The following SOX6 variants were observed in gnomAD, a reference collection of about 807,000 sequenced individuals.
SOX6 encodes transcription factor SOX-6.
In SOX6, 11 loss-of-function variants were observed where a neutral mutation model predicts 97.8. The observed-to-expected ratio is 0.11, with a 90% CI of 0.07 to 0.19. The LOEUF (loss-of-function observed/expected upper bound fraction) is 0.19, where lower values mean the gene tolerates loss of function less well. Among genes scored for constraint, SOX6 ranks in the 10% least tolerant of loss-of-function variants. The pLI is 1.00. For synonymous variants in SOX6, 360 were observed against 371.4 expected (o/e 0.97, Z 0.35); for missense variants, 810 against 1,039.5 (o/e 0.78, Z 3.04).
At chr11:16,508,300 C>T (rs1860821984) in intron 4 of SOX6, among the ~76,000 whole-genome samples, 1 of 151,886 alleles carries the variant, frequency 6.6e-6, no homozygotes, top group Admixed American at 6.6e-5. Flanking sequence ...CTGGAGAGTT[C>T]TCAAAAAGCA....
intron 9 of SOX6, among the ~76,000 whole-genome samples, chr11:16,073,977 C>T (rs530213898): frequency 1.3e-5 from 2 of 152,088 alleles, no homozygotes; most frequent in Admixed American, 6.5e-5. Flanking sequence ...TAAATGCCCA[C>T]ATCAAAAAGT....
intron 4 of SOX6, among the ~76,000 whole-genome samples, chr11:16,521,403 G>C (rs910213729): frequency 1.1e-4 from 16 of 152,260 alleles, no homozygotes; most frequent in African/African-American, 3.9e-4. Context: ...AACTCCAACA[G>C]ACCTGCAGCT....
chr11:16,447,471 C>T (rs1320607943), intron 1 of SOX6, among the ~76,000 whole-genome samples: 2 of 151,872 alleles, frequency 1.3e-5, no homozygotes, highest in East Asian at 3.9e-4. Flanking sequence ...TTCTTTCTTT[C>T]TTTGTCTCTC....
intron 6 of SOX6, among the ~76,000 whole-genome samples, chr11:16,181,711 A>G (rs1182158296): frequency 6.6e-6 from 1 of 151,770 alleles, no homozygotes; most frequent in African/African-American, 2.4e-5. Context: ...AAATACTGAC[A>G]AGATATGCCA....
chr11:16,405,000 A>T (rs962244260), intron 1 of SOX6, among the ~76,000 whole-genome samples: 1 of 151,998 alleles, frequency 6.6e-6, no homozygotes, highest in Non-Finnish European at 1.5e-5. Context: ...CACTGACAGA[A>T]GGACACGGAT....
At chr11:16,718,830 T>C (rs1307725802) in intron 2 of SOX6, among the ~76,000 whole-genome samples, 1 of 152,052 alleles carries the variant, frequency 6.6e-6, no homozygotes, top group Non-Finnish European at 1.5e-5. Context: ...ATAGGTACTT[T>C]TAAAACATCC....
At chr11:16,337,114 T>G (rs1284747917) in intron 2 of SOX6, among the ~76,000 whole-genome samples, 2 of 152,142 alleles carry the variant, frequency 1.3e-5, no homozygotes, top group Non-Finnish European at 2.9e-5. Context: ...CACAAGTTAG[T>G]CCTTGTGCCT....
chr11:16,137,310 C>T lies in SOX6; in HGVS notation c.778-25387G>A, dbSNP rs370333803. On this transcript the variant is annotated intron_variant, in intron 6 of 15. Coordinates refer to ENST00000683767, the MANE Select transcript of SOX6 (RefSeq NM_001367873.1). ...ACATGGTGGCATGCGCCTGTAGTCT[C>T]AGCTACTCGGGATGCTGAGGCACAA... 5.9e-5 allele frequency among the ~76,000 whole-genome samples: 9 copies of T among 152,216 alleles called. No individual in the cohort carries two copies. In the East Asian group the frequency reaches 1.5e-3, roughly 26 times the overall value.
At chr11:16,549,750 C>T (rs76950598) in intron 4 of SOX6, among the ~76,000 whole-genome samples, 1 of 152,128 alleles carries the variant, frequency 6.6e-6, no homozygotes, top group African/African-American at 2.4e-5. Context: ...ATATTGGAAT[C>T]TACTCAGCAA....
At chr11:16,212,286 A>AT (rs1203902440) in intron 4 of SOX6, among the ~76,000 whole-genome samples, 1 of 152,054 alleles carries the variant, frequency 6.6e-6, no homozygotes, top group African/African-American at 2.4e-5. Context: ...GCTTGCTTTT[A>AT]TTTTTTTAAC....
Position 16,222,129 on chromosome 11 carries a change from A to G in SOX6, c.535+12453T>C, listed in dbSNP as rs182629863. 1.8e-3 allele frequency among the ~76,000 whole-genome samples: 274 copies of G among 152,292 alleles called. 1 individual carries two copies. The highest frequency in any genetic ancestry group is 4.7e-3 in the African/African-American group (194 of 41,576). On this transcript the variant is annotated intron_variant, in intron 4 of 15. Transcript: ENST00000683767. ...AAGCCGACTAAATGCAGAAACAGAT[A>G]CGAGTCCAACATCTATTAACCCATA...
At chr11:16,566,095 CAAAAAAAA>C (rs67916329) in intron 4 of SOX6, among the ~76,000 whole-genome samples, 1 of 98,788 alleles carries the variant, frequency 1.0e-5, no homozygotes, top group Admixed American at 1.1e-4. Flanking sequence ...GACTCCGTCT[CAAAAAAAA>C]AAAAAAAAAA....
intron 4 of SOX6, among the ~76,000 whole-genome samples, chr11:16,535,356 C>G (rs1296956638): frequency 6.6e-6 from 1 of 152,134 alleles, no homozygotes; most frequent in Non-Finnish European, 1.5e-5. Flanking sequence ...ACTTATATTT[C>G]TTTCTTTCTT....
intron 1 of SOX6, among the ~76,000 whole-genome samples, chr11:16,737,488 G>C (rs1401053490): frequency 6.6e-6 from 1 of 151,230 alleles, no homozygotes; most frequent in Non-Finnish European, 1.5e-5. Flanking sequence ...TTACAGGCCT[G>C]AGCCATGGCG....
At chr11:16,044,499 T>C (rs1855768643) in intron 12 of SOX6, among the ~76,000 whole-genome samples, 1 of 152,162 alleles carries the variant, frequency 6.6e-6, no homozygotes, top group Non-Finnish European at 1.5e-5. Context: ...GAAAATCTGA[T>C]GCTCAGAAGA....
At chr11:16,029,938 C>T (rs1351278855) in intron 12 of SOX6, among the ~76,000 whole-genome samples, 1 of 152,122 alleles carries the variant, frequency 6.6e-6, no homozygotes, top group East Asian at 1.9e-4. Context: ...AGGAGTAAAT[C>T]TGCTTTTCAC....
At chr11:16,734,898 C>A (rs530426602) in intron 2 of SOX6, among the ~76,000 whole-genome samples, 1 of 152,150 alleles carries the variant, frequency 6.6e-6, no homozygotes, top group African/African-American at 2.4e-5. Flanking sequence ...GTGGGCTAAT[C>A]AAGATAAGTT....
chr11:16,693,212 A>G (rs1414806635), intron 3 of SOX6, among the ~76,000 whole-genome samples: 1 of 152,200 alleles, frequency 6.6e-6, no homozygotes, highest in African/African-American at 2.4e-5. Flanking sequence ...ATTAGGAAGT[A>G]TCTCCATCTT....
chr11:16,124,457 T>C (rs1025123737), intron 6 of SOX6, among the ~76,000 whole-genome samples: 3 of 151,484 alleles, frequency 2.0e-5, no homozygotes, highest in Non-Finnish European at 2.9e-5. Context: ...AGGCAGAAAG[T>C]TGGAGGTAGT....
Sources: allele counts gnomAD v4.1 joint callset (sites outside exome capture counted in the v4.1 genomes callset), GRCh38; gene constraint gnomAD v4.1.1; transcripts MANE v1.5; gene names NCBI Gene and HGNC (gene_info 2026-07-23, HGNC 2026-07-21).